HHIPL1: variants seen among roughly 807,000 people sequenced by gnomAD.
HHIPL1 encodes the protein HHIP like 1, also known as HHIP-like protein 1.
Under a neutral mutation model 61.8 loss-of-function variants are expected in HHIPL1, and 43 were observed. The observed-to-expected ratio is 0.70, with a 90% CI of 0.55 to 0.90. HHIPL1 has a LOEUF of 0.90. HHIPL1 is among the 40% of genes least tolerant of loss of function. HHIPL1 has a pLI of 0.00. For synonymous variants in HHIPL1, 482 were observed against 515.8 expected (o/e 0.93, Z 0.89); for missense variants, 1,056 against 1,157.7 (o/e 0.91, Z 1.28).
the HHIPL1 span, among the ~76,000 whole-genome samples, chr14:99,613,809 G>A: frequency 6.6e-6 from 1 of 152,082 alleles, no homozygotes; most frequent in Non-Finnish European, 1.5e-5. Flanking sequence ...TACTCAGGAT[G>A]CTGAGGCAGG....
chr14:99,621,130 T>G, the HHIPL1 span, among the ~76,000 whole-genome samples: 6 of 152,122 alleles, frequency 3.9e-5, no homozygotes, highest in African/African-American at 1.4e-4. Flanking sequence ...ACAGGGTCTT[T>G]TTCTGTCACC....
the HHIPL1 span, among the ~76,000 whole-genome samples, chr14:99,637,739 G>A: frequency 6.6e-6 from 1 of 152,316 alleles, no homozygotes; most frequent in African/African-American, 2.4e-5. Flanking sequence ...TGAGGCCATG[G>A]TGTCAGGAGC....
the HHIPL1 span, among the ~76,000 whole-genome samples, chr14:99,628,581 CAAAAAAAA>C: frequency 1.9e-5 from 1 of 53,606 alleles, no homozygotes; most frequent in African/African-American, 5.9e-5. Context: ...AACTCCAACT[CAAAAAAAA>C]AAAAAAAGAA....
At chr14:99,631,090 T>TTCTTTCTTTCTTTCTCTC in the HHIPL1 span, among the ~76,000 whole-genome samples, 6 of 143,776 alleles carry the variant, frequency 4.2e-5, no homozygotes, top group Non-Finnish European at 9.1e-5. Flanking sequence ...CTTTCTTTCT[T>TTCTTTCTTTCTTTCTCTC]TCTTTCTTTC....
upstream of HHIPL1, among the ~76,000 whole-genome samples, chr14:99,642,602 T>A (rs1345652377): frequency 1.3e-5 from 2 of 152,050 alleles, no homozygotes; most frequent in African/African-American, 4.8e-5. Context: ...CTTAGCTGAT[T>A]GCAAGTTCCG....
chr14:99,664,328 C>A (rs578035754), intron 6 of HHIPL1, among the ~76,000 whole-genome samples: 2 of 152,210 alleles, frequency 1.3e-5, no homozygotes, highest in Non-Finnish European at 2.9e-5. Context: ...GCCCCCAGCC[C>A]CCACAGCCAT....
In HHIPL1 at chr14:99,679,301, C is replaced by T. The variant is rs372692325; in HGVS notation, c.*3675C>T. ...GGAGCATTCACATGTGACTCTGTCC[C>T]CAGGGACTCCGATCTTGCCTTAAAG... is the stretch of plus-strand genomic sequence containing the variant. On this transcript the variant is annotated 3_prime_UTR_variant, in exon 9 of 9. Transcript: ENST00000330710. 1.3e-5 allele frequency: 2 copies of T among 152,364 alleles called. No individual in the cohort carries two copies. The highest frequency in any genetic ancestry group is 4.8e-5 in the African/African-American group (2 of 41,458). 9.4% of individuals were successfully genotyped at this position (152,364 alleles called of 1,614,324 possible).
rs111399236 is a variant in HHIPL1 at position 99,668,828 on chromosome 14, C to G, written c.1730+525C>G. On this transcript the variant is annotated intron_variant, in intron 7 of 8. Coordinates refer to ENST00000330710, the MANE Select transcript of HHIPL1 (RefSeq NM_001127258.3). The surrounding 1 kb of genome is among the most constrained non-coding windows in gnomAD (Gnocchi z 4.7). ...CGGCTCCATCTCCCCGGCTTCCCTT[C>G]TAGCTGTAAGGCCAGAAGCGCCATG... 3 of 1,613,480 alleles carry G rather than the reference C, an allele frequency of 1.9e-6. No individual in the cohort carries two copies. In the African/African-American group the frequency reaches 4.0e-5, roughly 22 times the overall value.
At chr14:99,670,108 C>T (rs1329184856) in intron 7 of HHIPL1, among the ~76,000 whole-genome samples, 1 of 144,722 alleles carries the variant, frequency 6.9e-6, no homozygotes, top group East Asian at 2.2e-4. Flanking sequence ...CAACTCCAGT[C>T]TTTTACTTTT....
chr14:99,634,689 G>A, the HHIPL1 span, among the ~76,000 whole-genome samples: 1 of 152,170 alleles, frequency 6.6e-6, no homozygotes, highest in Non-Finnish European at 1.5e-5. Context: ...CTCAGCCAGG[G>A]CCTTCTCTAG....
chr14:99,626,267 G>GGTGTGTGTGTGTGTGTGTGTGT, the HHIPL1 span, among the ~76,000 whole-genome samples: 13 of 147,490 alleles, frequency 8.8e-5, no homozygotes, highest in African/African-American at 3.0e-4. Context: ...GGTGTAGCGG[G>GGTGTGTGTGTGTGTGTGTGTGT]GTGTGTGTGT....
the HHIPL1 span, among the ~76,000 whole-genome samples, chr14:99,627,938 ATGGCCAACAATC>A: frequency 2.6e-5 from 4 of 152,220 alleles, no homozygotes; most frequent in Non-Finnish European, 5.9e-5. This position sits in a 1 kb window ranked among gnomAD's most constrained non-coding sequence, Gnocchi z 4.4. Context: ...GCTGGAATGC[ATGGCCAACAATC>A]TGCACCTGAT....
At position 99,668,258 on chromosome 14, in the gene HHIPL1, C is replaced by G. The variant is rs1189835542; in HGVS notation, c.1685C>G (p.Ala562Gly). The change falls in exon 7 of 9, where the codon GCC (alanine) becomes GGC (glycine). Residue 562 changes from alanine (A) to glycine (G), a missense_variant. By Grantham distance (60) the Ala-to-Gly change is moderately conservative. Coordinates refer to ENST00000330710, the MANE Select transcript of HHIPL1 (RefSeq NM_001127258.3). This position sits in a 1 kb window ranked among gnomAD's most constrained non-coding sequence, Gnocchi z 4.7. ...LYFMSTGEPS[A>G]TAPRGVVYKI... ...TTCATGTCGACAGGGGAGCCGAGTG[C>G]CACAGCTCCACGCGGAGTTGTCTAC... is the stretch of plus-strand genomic sequence containing the variant. The G allele has an allele frequency of 6.2e-7, 1 of 1,612,258 alleles. No individual in the cohort carries two copies. The highest frequency in any genetic ancestry group is 1.3e-5 in the African/African-American group (1 of 74,832).
At chr14:99,629,831 A>G in the HHIPL1 span, among the ~76,000 whole-genome samples, 1 of 152,214 alleles carries the variant, frequency 6.6e-6, no homozygotes, top group Non-Finnish European at 1.5e-5. Flanking sequence ...ATATAGAAGT[A>G]TTGTCTATAC....
At position 99,652,624 on chromosome 14, in the gene HHIPL1, G is replaced by C; in HGVS notation, c.656G>C (p.Trp219Ser). Reference protein sequence around the residue: ...FFVAEQVGLVWAYLPDRSRLG... With the variant: ...FFVAEQVGLVSAYLPDRSRLG... ...GTGGCCGAGCAGGTGGGGCTGGTGT[G>C]GGCCTACCTGCCCGACCGCTCGAGG... Residue 219 changes from tryptophan (W) to serine (S), a missense_variant, in exon 2 of 9, where the codon TGG becomes TCG. By Grantham distance (177) the Trp-to-Ser change is radical (BLOSUM62 -3). Coordinates refer to ENST00000330710, the MANE Select transcript of HHIPL1 (RefSeq NM_001127258.3). 6.2e-7 allele frequency: 1 copy of C among 1,613,424 alleles called. No individual in the cohort carries two copies. The highest frequency in any genetic ancestry group is 8.5e-7 in the Non-Finnish European group (1 of 1,179,828).
the HHIPL1 span, among the ~76,000 whole-genome samples, chr14:99,622,331 T>G: frequency 6.6e-6 from 1 of 152,162 alleles, no homozygotes. Context: ...ATTGCACTGA[T>G]TTACAGAGTG....
chr14:99,659,545 C>G lies in HHIPL1; in HGVS notation c.1164C>G (p.Val388=), dbSNP rs1406937059. 8 of 1,548,014 alleles carry G rather than the reference C, an allele frequency of 5.2e-6. No homozygotes were observed. Among genetic ancestry groups the G allele is most frequent in the Non-Finnish European group, 2.6e-6 (3 of 1,150,524 alleles). ...FVGDPAAQPE[V]YALGVRNMWR... ...GCGACCCCGCGGCGCAGCCCGAGGTCTACGCCCTGGGCGTGCGCAACATGT... is the reference window on the plus strand; with the variant it reads ...GCGACCCCGCGGCGCAGCCCGAGGTGTACGCCCTGGGCGTGCGCAACATGT... Residue 388 remains valine (V), a synonymous_variant, in exon 4 of 9, where the codon GTC becomes GTG. Transcript: ENST00000330710.
At chr14:99,643,565 T>C (rs2055780941), upstream of HHIPL1, among the ~76,000 whole-genome samples, 1 of 152,242 alleles carries the variant, frequency 6.6e-6, no homozygotes, top group Non-Finnish European at 1.5e-5. Flanking sequence ...TACACTCATC[T>C]GGAGCCCTGT....
intron 1 of HHIPL1, among the ~76,000 whole-genome samples, chr14:99,646,336 C>A (rs373882733): frequency 6.6e-6 from 1 of 152,388 alleles, no homozygotes; most frequent in East Asian, 1.9e-4. Context: ...GCCCCAGGGG[C>A]CAGGGCCGTG....
Sources: gnomAD v4.1 joint callset for allele counts (sites outside exome capture counted in the v4.1 genomes callset) on GRCh38, gnomAD v4.1.1 for gene constraint, Gnocchi (gnomAD v3.1) non-coding constraint, MANE v1.5 for transcripts, NCBI Gene and HGNC (gene_info 2026-07-23, HGNC 2026-07-21) for gene names.